Variants in NAT10 observed in about 807,000 individuals in gnomAD.
NAT10 encodes RNA cytidine acetyltransferase.
In NAT10, 109 loss-of-function variants were observed where a neutral mutation model predicts 132.2. That is an observed-to-expected ratio of 0.82 (90% CI 0.71 to 0.97). The LOEUF is 0.97. Ranked by LOEUF, NAT10 falls within the 50% of genes least tolerant of loss-of-function variation. The pLI is 0.00. For synonymous variants in NAT10, 479 were observed against 478.0 expected (o/e 1.00, Z -0.03); for missense variants, 1,184 against 1,263.4 (o/e 0.94, Z 0.95).
At chr11:34,136,894 T>G in intron 20 of NAT10, 84 bp from the exon 21 acceptor site, 1 of 1,609,230 alleles carries the variant, frequency 6.2e-7, no homozygotes, top group Non-Finnish European at 8.5e-7. Context: ...TGTGGCGTGC[T>G]CTTCCTGGCT....
chr11:34,136,145 G>A (rs1852208381), intron 19 of NAT10, among the ~76,000 whole-genome samples: 1 of 150,754 alleles, frequency 6.6e-6, no homozygotes, highest in African/African-American at 2.4e-5. Context: ...GTAATGGCGT[G>A]ATCTCAGCTC....
chr11:34,121,786 GGAGGTGGAGGTT>G (rs1413647641), intron 8 of NAT10, among the ~76,000 whole-genome samples: 1 of 150,176 alleles, frequency 6.7e-6, no homozygotes, highest in Non-Finnish European at 1.5e-5. Flanking sequence ...CTTGAACCCA[GGAGGTGGAGGTT>G]GAAGTGAGCT....
In NAT10 at chr11:34,115,547, A is replaced by G. The variant is rs555040792; in HGVS notation, c.496-276A>G. The stretch of plus-strand genomic sequence containing the variant: ...CTTTGTTCATTAGTGTATGCACAGC[A>G]TATCTGGCACACAGCATGCCAATTT... On this transcript the variant is annotated intron_variant, in intron 5 of 28. Coordinates refer to ENST00000257829, the MANE Select transcript of NAT10 (RefSeq NM_024662.3). Among the ~76,000 whole-genome samples, 3 of 152,386 alleles carry G rather than the reference A, an allele frequency of 2.0e-5. No homozygotes were observed. In the East Asian group the frequency reaches 5.8e-4, roughly 29 times the overall value.
chr11:34,134,642 G>A (rs996842926), intron 18 of NAT10, 56 bp downstream of exon 18: 2 of 1,565,878 alleles, frequency 1.3e-6, no homozygotes, highest in Non-Finnish European at 1.8e-6. Flanking sequence ...TTTAGGGTGG[G>A]GGTACTTGGT....
chr11:34,108,414 G>T, intron 2 of NAT10, 81 bp downstream of exon 2: 1 of 1,135,588 alleles, frequency 8.8e-7, no homozygotes, highest in Non-Finnish European at 1.3e-6. Context: ...GCTGTTTCAG[G>T]ACATAATGGC....
intron 12 of NAT10, among the ~76,000 whole-genome samples, chr11:34,129,996 G>A (rs1334608484): frequency 1.3e-5 from 2 of 152,114 alleles, no homozygotes; most frequent in Non-Finnish European, 1.5e-5. Context: ...AAATAAATAG[G>A]ATACTTTTGG....
At position 34,140,520 on chromosome 11, in the gene NAT10, G is replaced by T. The variant is rs777910148; in HGVS notation, c.2540G>T (p.Arg847Leu). 6.2e-7 allele frequency: 1 copy of T among 1,614,038 alleles called. No homozygotes were observed. Among genetic ancestry groups the T allele is most frequent in the Admixed American group, 1.7e-5 (1 of 60,004 alleles). ...ATGGACATGATCCCGGCCATCTCTC[G>T]CATCTATTTCCTGAACCAGCTGGGG... The part of the protein sequence containing the change: ...LIMDMIPAIS[R>L]IYFLNQLGDL... Residue 847 changes from arginine (R) to leucine (L), a missense_variant, in exon 24 of 29, where the codon CGC becomes CTC. By Grantham distance (102) the Arg-to-Leu change is moderately radical. Transcript: ENST00000257829.
intron 16 of NAT10, among the ~76,000 whole-genome samples, chr11:34,134,060 A>G (rs1852159251): frequency 6.6e-6 from 1 of 151,736 alleles, no homozygotes; most frequent in African/African-American, 2.4e-5. Context: ...GCTACTCGGG[A>G]GGCTGAGGCA....
intron 11 of NAT10, among the ~76,000 whole-genome samples, chr11:34,127,007 C>A (rs761055776): frequency 6.6e-6 from 1 of 152,122 alleles, no homozygotes; most frequent in Non-Finnish European, 1.5e-5. Flanking sequence ...CCACTGGGGT[C>A]GAGCTATGCC....
At chr11:34,106,322 C>G (rs750496773) in intron 1 of NAT10, among the ~76,000 whole-genome samples, 3 of 151,748 alleles carry the variant, frequency 2.0e-5, no homozygotes, top group Non-Finnish European at 4.4e-5. Context: ...GAAAAATAAT[C>G]ATCTCCTTCA....
At chr11:34,145,940 G>A in intron 28 of NAT10, 144 bp from the exon 29 acceptor site, 1 of 600,960 alleles carries the variant, frequency 1.7e-6, no homozygotes. Flanking sequence ...TAGGTTTGCA[G>A]AGAACATTAA....
chr11:34,127,738 T>A, intron 12 of NAT10, 139 bp downstream of exon 12: 1 of 1,083,444 alleles, frequency 9.2e-7, no homozygotes, highest in Non-Finnish European at 1.3e-6. Context: ...CTTCATTCTC[T>A]ACTGGGCTTC....
rs1298201015 is a variant in NAT10, at chr11:34,122,534, C to T, written c.856C>T (p.Arg286Ter). 3.1e-6 allele frequency: 5 copies of T among 1,614,132 alleles called. No individual in the cohort carries two copies. Among genetic ancestry groups the T allele is most frequent in the South Asian group, 2.2e-5 (2 of 91,082 alleles). ...LRSTVALTAA[R>*]GRGKSAALGL... ...GAGTACTGTTGCACTCACAGCTGCTCGAGGACGGGGAAAATCTGCAGCCCT... is the reference window on the plus strand; with the variant it reads ...GAGTACTGTTGCACTCACAGCTGCTTGAGGACGGGGAAAATCTGCAGCCCT... Residue 286 changes from arginine to a stop codon, truncating the protein, a stop_gained, in exon 9 of 29, where the codon CGA becomes TGA. Coordinates refer to ENST00000257829, the MANE Select transcript of NAT10 (RefSeq NM_024662.3). LOFTEE classifies it high-confidence loss of function.
intron 5 of NAT10, among the ~76,000 whole-genome samples, chr11:34,115,012 C>G (rs1186968827): frequency 2.0e-5 from 3 of 152,060 alleles, no homozygotes; most frequent in Non-Finnish European, 4.4e-5. Context: ...AAAAATTAAC[C>G]AGGTGTGGTG....
At chr11:34,125,891 G>T (rs1376201687) in intron 11 of NAT10, among the ~76,000 whole-genome samples, 2 of 152,150 alleles carry the variant, frequency 1.3e-5, no homozygotes, top group East Asian at 3.9e-4. Flanking sequence ...TTGAACCCGA[G>T]AATTGGTTGA....
rs1459999288 is a variant in NAT10 at position 34,133,886 on chromosome 11, C to T, written c.1735-433C>T. ...GGATGTGTCAGGCCAGGCGCCATGG[C>T]TCACGCCTGTAATCCCAGCACTTTG... On this transcript the variant is annotated intron_variant, in intron 16 of 28. Coordinates refer to ENST00000257829, the MANE Select transcript of NAT10 (RefSeq NM_024662.3). 2.0e-5 allele frequency among the ~76,000 whole-genome samples: 3 copies of T among 151,960 alleles called. No homozygotes were observed. The East Asian group carries it at 5.8e-4, about 29-fold the overall frequency.
chr11:34,142,769 A>C (rs985133321), intron 27 of NAT10, among the ~76,000 whole-genome samples: 2 of 152,190 alleles, frequency 1.3e-5, no homozygotes, highest in Non-Finnish European at 2.9e-5. Flanking sequence ...TGGGAATCCT[A>C]GTCCCTTTTG....
At position 34,140,385 on chromosome 11, in the gene NAT10, C is replaced by CT. The variant is rs1565119416; in HGVS notation, c.2420-14dup. On this transcript the variant is annotated splice_polypyrimidine_tract_variant and intron_variant, in intron 23 of 28. Transcript: ENST00000257829. Reference sequence around the variant, plus strand: ...CGGGTGACCTAACCTGTCTAGCTCTCTATCCCATGGACAGCCCTGAGCCGG... The same window carrying CT: ...CGGGTGACCTAACCTGTCTAGCTCTCTTATCCCATGGACAGCCCTGAGCCGG... 6.2e-7 allele frequency: 1 copy of CT among 1,608,958 alleles called. No homozygotes were observed. Among genetic ancestry groups the CT allele is most frequent in the Non-Finnish European group, 8.5e-7 (1 of 1,175,776 alleles).
chr11:34,110,409 A>T (rs1033949807), intron 3 of NAT10, among the ~76,000 whole-genome samples: 2 of 151,664 alleles, frequency 1.3e-5, no homozygotes, highest in African/African-American at 2.4e-5. Flanking sequence ...CTCCTCCGTG[A>T]AACTTTTCCT....
Sources: gnomAD v4.1 joint callset for allele counts (sites outside exome capture counted in the v4.1 genomes callset) on GRCh38, gnomAD v4.1.1 for gene constraint, MANE v1.5 for transcripts, NCBI Gene and HGNC (gene_info 2026-07-23, HGNC 2026-07-21) for gene names.